RUBCNL: variants seen among roughly 807,000 people sequenced by gnomAD.
The protein encoded by RUBCNL is protein associated with UVRAG as autophagy enhancer.
In RUBCNL, 62 loss-of-function variants were observed where a neutral mutation model predicts 69.5. The ratio of observed to expected loss-of-function variants is 0.89; its 90% CI spans 0.73 to 1.10. The LOEUF (loss-of-function observed/expected upper bound fraction) is 1.10. Ranked by LOEUF, RUBCNL falls within the 50% of genes least tolerant of loss-of-function variation. The pLI, the probability that RUBCNL is intolerant of heterozygous loss-of-function variation, is 0.00. For missense variants in RUBCNL, 768 were observed against 798.1 expected, an observed-to-expected ratio of 0.96 and a Z score of 0.45; for synonymous variants, 291 against 303.6, an observed-to-expected ratio of 0.96 and a Z score of 0.43.
chr13:46,353,560 T>C (rs1404662460), intron 10 of RUBCNL, among the ~76,000 whole-genome samples: 1 of 152,328 alleles, frequency 6.6e-6, no homozygotes, highest in East Asian at 1.9e-4. Flanking sequence ...CATTTGCAAA[T>C]GTCTGGCGCC....
rs2048125799 is a variant in RUBCNL at position 46,339,428 on chromosome 13, G to A, written c.*3957C>T. ...AGGCTTCCTGCAGGTAGCATCTGACGGTGGCTAAGCCAGCCATGCAGGCTC... is the reference window on the plus strand; with the variant it reads ...AGGCTTCCTGCAGGTAGCATCTGACAGTGGCTAAGCCAGCCATGCAGGCTC... On this transcript the variant is annotated 3_prime_UTR_variant, in exon 15 of 15. Transcript: ENST00000429979. Among the ~76,000 whole-genome samples the A allele has an allele frequency of 1.3e-5, 2 of 152,256 alleles. No individual in the cohort carries two copies. Among genetic ancestry groups the A allele is most frequent in the African/African-American group, 2.4e-5 (1 of 41,548 alleles).
At position 46,340,217 on chromosome 13, in the gene RUBCNL, A is replaced by C. The variant is rs1377627580; in HGVS notation, c.*3168T>G. ...ACCTCTGCAAAGACCCTACTTCCCA[A>C]AAGGCCACAGCACAGACACCAGCAT... is the stretch of plus-strand genomic sequence containing the variant. On this transcript the variant is annotated 3_prime_UTR_variant, in exon 15 of 15. Coordinates refer to ENST00000429979, the MANE Select transcript of RUBCNL (RefSeq NM_025113.5). Among the ~76,000 whole-genome samples, 1 of 152,126 alleles carries C rather than the reference A, an allele frequency of 6.6e-6. No individual in the cohort carries two copies. Among genetic ancestry groups the C allele is most frequent in the African/African-American group, 2.4e-5 (1 of 41,424 alleles).
chr13:46,387,836 G>A, upstream of RUBCNL: 1 of 985,566 alleles, frequency 1.0e-6, no homozygotes, highest in Non-Finnish European at 1.2e-6. Context: ...CCCATCACGG[G>A]TGTGCAGTGG....
chr13:46,363,854 C>G (rs1316008862), intron 5 of RUBCNL, among the ~76,000 whole-genome samples: 1 of 147,376 alleles, frequency 6.8e-6, no homozygotes, highest in East Asian at 2.0e-4. Flanking sequence ...GAGTAAGACC[C>G]TGTCTCAAAA....
chr13:46,359,421 T>C, intron 9 of RUBCNL, 65 bp downstream of exon 9: 1 of 1,397,792 alleles, frequency 7.2e-7, no homozygotes. Flanking sequence ...TGCCATAGAG[T>C]CAGGTGGGAT....
At chr13:46,383,256 C>G (rs2049160427) in intron 1 of RUBCNL, among the ~76,000 whole-genome samples, 1 of 152,252 alleles carries the variant, frequency 6.6e-6, no homozygotes, top group Middle Eastern at 3.2e-3. Flanking sequence ...ACCTCCTTAT[C>G]TGCTACCTGG....
chr13:46,354,236 T>A (rs1218009132), intron 10 of RUBCNL, among the ~76,000 whole-genome samples: 3 of 152,168 alleles, frequency 2.0e-5, no homozygotes, highest in Non-Finnish European at 4.4e-5. Context: ...CTGAAACAGA[T>A]AAAGGATGTT....
At position 46,339,725 on chromosome 13, in the gene RUBCNL, G is replaced by A. The variant is rs1032504774; in HGVS notation, c.*3660C>T. 9.9e-5 allele frequency among the ~76,000 whole-genome samples: 15 copies of A among 152,086 alleles called. No individual in the cohort carries two copies. The highest frequency in any genetic ancestry group is 3.6e-4 in the African/African-American group (15 of 41,406). On this transcript the variant is annotated 3_prime_UTR_variant, in exon 15 of 15. Transcript: ENST00000429979. ...AATACAAAAATTATCCAGGCCTGGT[G>A]GCGTGCGCCTGCAATCCCAGCTACT... is the stretch of plus-strand genomic sequence containing the variant.
intron 5 of RUBCNL, among the ~76,000 whole-genome samples, chr13:46,364,473 A>G (rs2138766815): frequency 6.6e-6 from 1 of 152,268 alleles, no homozygotes; most frequent in African/African-American, 2.4e-5. Flanking sequence ...TAGCTGGGTG[A>G]CGATGGACAA....
At chr13:46,363,852 C>A (rs1213162458) in intron 5 of RUBCNL, among the ~76,000 whole-genome samples, 1 of 148,914 alleles carries the variant, frequency 6.7e-6, no homozygotes, top group Non-Finnish European at 1.5e-5. Flanking sequence ...CAGAGTAAGA[C>A]CCTGTCTCAA....
chr13:46,369,943 G>A (rs1306094384), intron 3 of RUBCNL, among the ~76,000 whole-genome samples: 1 of 152,238 alleles, frequency 6.6e-6, no homozygotes, highest in Non-Finnish European at 1.5e-5. Context: ...CCTGTAAACA[G>A]CTAGCTGGTA....
rs1370321855 is a variant in RUBCNL at position 46,340,683 on chromosome 13, C to T, written c.*2702G>A. ...TGCTTCTGGTTAGGACTTGTGGCTG[C>T]TTCCACTCATGGTGGAGGGGAAGGG... On this transcript the variant is annotated 3_prime_UTR_variant, in exon 15 of 15. Transcript: ENST00000429979. 2.0e-5 allele frequency among the ~76,000 whole-genome samples: 3 copies of T among 152,286 alleles called. No homozygotes were observed. The highest frequency in any genetic ancestry group is 1.9e-4 in the East Asian group (1 of 5,174).
At chr13:46,387,027 C>A (rs977029182) in intron 1 of RUBCNL, 107 bp downstream of exon 1, 1 of 916,930 alleles carries the variant, frequency 1.1e-6, no homozygotes, top group Non-Finnish European at 1.3e-6. Context: ...ACCTCTCTGG[C>A]GCCACTTCCA....
chr13:46,341,862 T>C lies in RUBCNL; in HGVS notation c.*1523A>G, dbSNP rs1265557427. ...ACTTCCTGTGGGAACCTAGGAAAGT[T>C]ATTTCTCTTCTCTAGGCCTCAGTTT... On this transcript the variant is annotated 3_prime_UTR_variant, in exon 15 of 15. Transcript: ENST00000429979. The C allele has an allele frequency of 1.3e-5, 2 of 152,252 alleles. No homozygotes were observed. Among genetic ancestry groups the C allele is most frequent in the Non-Finnish European group, 2.9e-5 (2 of 68,050 alleles). The allele number at this position is 152,252 out of a possible 1,614,324, so 9.4% of individuals were successfully genotyped here. A position where few individuals can be genotyped will look rare whatever the true frequency, so the allele number is the denominator to read the frequency against.
chr13:46,343,383 C>T lies in RUBCNL; in HGVS notation c.*2G>A. ...CAGTCTTTTTCACAGTACTCAGGGG[C>T]ATCATGTTGCTGCAGAGGCCACACT... On this transcript the variant is annotated 3_prime_UTR_variant, in exon 15 of 15. Coordinates refer to ENST00000429979, the MANE Select transcript of RUBCNL (RefSeq NM_025113.5). 6.2e-7 allele frequency: 1 copy of T among 1,612,766 alleles called. No individual in the cohort carries two copies. The highest frequency in any genetic ancestry group is 8.5e-7 in the Non-Finnish European group (1 of 1,179,354).
intron 1 of RUBCNL, among the ~76,000 whole-genome samples, chr13:46,383,859 C>A (rs1459509499): frequency 6.6e-6 from 1 of 152,212 alleles, no homozygotes; most frequent in African/African-American, 2.4e-5. Context: ...ACATAGCCAG[C>A]CTACTTGAGG....
chr13:46,387,802 C>T, upstream of RUBCNL: 3 of 985,524 alleles, frequency 3.0e-6, no homozygotes, highest in Non-Finnish European at 3.6e-6. Flanking sequence ...GTCACCTTGT[C>T]CTCTTGCAGC....
At chr13:46,378,533 C>T (rs1049487995) in intron 1 of RUBCNL, 3 of 152,374 alleles carry the variant, frequency 2.0e-5, no homozygotes, top group Non-Finnish European at 4.4e-5. Context: ...CAGCAAAGGC[C>T]CTGGACAAAC....
intron 9 of RUBCNL, among the ~76,000 whole-genome samples, chr13:46,357,352 A>AC (rs1418614707): frequency 6.7e-6 from 1 of 148,770 alleles, no homozygotes; most frequent in African/African-American, 2.5e-5. Flanking sequence ...AAAAAAAAAA[A>AC]GCTTCTGCTA....
Sources: allele counts gnomAD v4.1 joint callset (sites outside exome capture counted in the v4.1 genomes callset), GRCh38; gene constraint gnomAD v4.1.1; transcripts MANE v1.5; gene names NCBI Gene and HGNC (gene_info 2026-07-23, HGNC 2026-07-21).